ELP4: variants seen among roughly 807,000 people sequenced by gnomAD.
ELP4 encodes elongator acetyltransferase complex subunit 4.
Under a neutral mutation model 48.9 loss-of-function variants are expected in ELP4, and 51 were observed. That is an observed-to-expected ratio of 1.04 (90% CI 0.83 to 1.32). The LOEUF (loss-of-function observed/expected upper bound fraction) is 1.32, where lower values mean the gene tolerates loss of function less well. Ranked by LOEUF, ELP4 falls within the 40% of genes most tolerant of loss-of-function variation. The pLI is 0.00. For missense variants in ELP4, 519 were observed against 514.6 expected (o/e 1.01, Z -0.08); for synonymous variants, 210 against 189.2 (o/e 1.11, Z -0.90).
At chr11:31,709,038 C>T (rs942431455) in intron 9 of ELP4, among the ~76,000 whole-genome samples, 21 of 152,084 alleles carry the variant, frequency 1.4e-4, no homozygotes, top group South Asian at 8.3e-4. Context: ...AGGAGGTCCA[C>T]GATTAATTGA....
chr11:31,626,980 C>A, intron 5 of ELP4, 130 bp from the exon 6 acceptor site: 2 of 546,088 alleles, frequency 3.7e-6, no homozygotes, highest in Non-Finnish European at 6.7e-6. Context: ...TTATATAATA[C>A]TGTTTTGACA....
At chr11:31,603,696 C>T in intron 4 of ELP4, 72 bp from the exon 5 acceptor site, 2 of 1,478,896 alleles carry the variant, frequency 1.4e-6, no homozygotes, top group South Asian at 1.3e-5. Context: ...CATTGTTTTG[C>T]TGGATGTAGG....
intron 3 of ELP4, among the ~76,000 whole-genome samples, chr11:31,549,870 A>G (rs938159456): frequency 3.3e-5 from 5 of 152,340 alleles, no homozygotes; most frequent in Middle Eastern, 6.8e-3. Context: ...CATCATTCTC[A>G]GTAATCTATC....
In ELP4 at chr11:31,627,126, T is replaced by C; in HGVS notation, c.670T>C (p.Tyr224His). 1 of 1,608,186 alleles carries C rather than the reference T, an allele frequency of 6.2e-7. No homozygotes were observed. Among genetic ancestry groups the C allele is most frequent in the South Asian group, 1.1e-5 (1 of 90,180 alleles). ...KVEPCSLTPG[Y>H]TKLLQFIQNI... ...TACCAACAGTTCTTTGACCCCTGGCTACACAAAGCTGCTTCAGTTTATCCA... is the reference window on the plus strand; with the variant it reads ...TACCAACAGTTCTTTGACCCCTGGCCACACAAAGCTGCTTCAGTTTATCCA... Residue 224 changes from tyrosine (Y) to histidine (H), a missense_variant, in exon 6 of 10, where the codon TAC (tyrosine) becomes CAC (histidine). Tyr to His is a moderately conservative substitution (Grantham distance 83). Coordinates refer to ENST00000640961, the MANE Select transcript of ELP4 (RefSeq NM_019040.5).
intron 3 of ELP4, among the ~76,000 whole-genome samples, chr11:31,564,775 TCATTGGTGGA>T (rs1291214503): frequency 6.6e-5 from 10 of 152,236 alleles, no homozygotes; most frequent in African/African-American, 2.4e-4. Context: ...ATCCAGTCTA[TCATTGGTGGA>T]CATTTGGGTT....
chr11:31,755,894 A>G lies in ELP4; in HGVS notation c.1144-27499A>G, dbSNP rs141113503. Among the ~76,000 whole-genome samples, 4 of 152,236 alleles carry G rather than the reference A, an allele frequency of 2.6e-5. No homozygotes were observed. In the East Asian group the frequency reaches 7.7e-4, roughly 29 times the overall value. On this transcript the variant is annotated intron_variant, in intron 9 of 9. Coordinates refer to ENST00000640961, the MANE Select transcript of ELP4 (RefSeq NM_019040.5). Reference sequence around the variant, plus strand: ...ATGCTTCACATCCAATTTCTCACCAAATCTTCATTTAACACCTGGTTCCTT... The same window carrying G: ...ATGCTTCACATCCAATTTCTCACCAGATCTTCATTTAACACCTGGTTCCTT...
chr11:31,777,975 G>A (rs571693392), intron 9 of ELP4, among the ~76,000 whole-genome samples: 1 of 152,294 alleles, frequency 6.6e-6, no homozygotes, highest in East Asian at 1.9e-4. Context: ...ATCCTGCAGT[G>A]AGTGCATCAG....
intron 9 of ELP4, among the ~76,000 whole-genome samples, chr11:31,705,507 A>G (rs1565120481): frequency 6.6e-6 from 1 of 152,232 alleles, no homozygotes. Context: ...GATTGCGACA[A>G]ACACAGATTT....
chr11:31,545,927 C>A (rs1308972354), intron 3 of ELP4, among the ~76,000 whole-genome samples: 1 of 151,844 alleles, frequency 6.6e-6, no homozygotes, highest in Non-Finnish European at 1.5e-5. Context: ...TACAGACAAG[C>A]AAATGCTGAG....
chr11:31,555,255 A>G (rs1272184874), intron 3 of ELP4, among the ~76,000 whole-genome samples: 2 of 152,070 alleles, frequency 1.3e-5, no homozygotes, highest in African/African-American at 4.8e-5. Context: ...GAAGGGTTCA[A>G]TGTAATGTGT....
intron 9 of ELP4, among the ~76,000 whole-genome samples, chr11:31,656,841 C>T (rs562252023): frequency 2.6e-5 from 4 of 152,028 alleles, no homozygotes; most frequent in Admixed American, 1.3e-4. Context: ...TGGTTTGGCT[C>T]CAAGAAAATT....
intron 9 of ELP4, among the ~76,000 whole-genome samples, chr11:31,730,155 C>T (rs538367010): frequency 5.9e-5 from 9 of 152,262 alleles, no homozygotes; most frequent in East Asian, 5.8e-4. Context: ...TTGCATACTC[C>T]GAGTCAATCA....
At chr11:31,516,217 C>G (rs1187760381) in intron 1 of ELP4, among the ~76,000 whole-genome samples, 2 of 152,166 alleles carry the variant, frequency 1.3e-5, no homozygotes, top group African/African-American at 4.8e-5. Context: ...GATAAGAAAC[C>G]TAAATCCTCC....
chr11:31,650,383 T>C (rs1945295535), intron 9 of ELP4, 162 bp downstream of exon 9: 1 of 420,882 alleles, frequency 2.4e-6, no homozygotes, highest in East Asian at 3.5e-5. Context: ...ATAACAATAA[T>C]TTTTTAGACT....
chr11:31,658,965 A>G (rs1945497056), intron 9 of ELP4, among the ~76,000 whole-genome samples: 1 of 152,082 alleles, frequency 6.6e-6, no homozygotes, highest in South Asian at 2.1e-4. Context: ...AAATTAAGCA[A>G]CAAATATTAT....
intron 3 of ELP4, among the ~76,000 whole-genome samples, chr11:31,560,469 A>G (rs990462315): frequency 6.6e-6 from 1 of 151,768 alleles, no homozygotes; most frequent in Non-Finnish European, 1.5e-5. Context: ...TCAATATTGT[A>G]TAACTTGCTT....
chr11:31,739,711 C>T (rs1947404500), intron 9 of ELP4, among the ~76,000 whole-genome samples: 1 of 152,114 alleles, frequency 6.6e-6, no homozygotes, highest in South Asian at 2.1e-4. Context: ...TAGTGATATT[C>T]ATATACCATA....
At chr11:31,712,391 A>G (rs1374739146) in intron 9 of ELP4, among the ~76,000 whole-genome samples, 2 of 152,112 alleles carry the variant, frequency 1.3e-5, no homozygotes, top group Non-Finnish European at 2.9e-5. Context: ...TTAGTAAATG[A>G]TCTCTTGTAA....
chr11:31,515,188 C>G (rs1241273283), intron 1 of ELP4, among the ~76,000 whole-genome samples: 1 of 152,026 alleles, frequency 6.6e-6, no homozygotes, highest in African/African-American at 2.4e-5. Context: ...AGTGACCAAA[C>G]TTTACTACAG....
Sources: allele counts gnomAD v4.1 joint callset (sites outside exome capture counted in the v4.1 genomes callset), GRCh38; gene constraint gnomAD v4.1.1; transcripts MANE v1.5; gene names NCBI Gene and HGNC (gene_info 2026-07-23, HGNC 2026-07-21).